Variants in SPTLC1 observed in about 807,000 individuals in gnomAD.
The protein encoded by SPTLC1 is serine palmitoyltransferase 1.
SPTLC1 carries 55 observed loss-of-function variants against 68.9 expected under a neutral mutation model. The observed-to-expected ratio is 0.80, with a 90% CI of 0.64 to 1.00. The LOEUF (loss-of-function observed/expected upper bound fraction) is 1.00, where lower values mean the gene tolerates loss of function less well. Ranked by LOEUF, SPTLC1 falls within the 50% of genes least tolerant of loss-of-function variation. The pLI, the probability that SPTLC1 is intolerant of heterozygous loss-of-function variation, is 0.00. For synonymous variants in SPTLC1, 197 were observed against 201.6 expected, an observed-to-expected ratio of 0.98 and a Z score of 0.19; for missense variants, 449 against 573.1, an observed-to-expected ratio of 0.78 and a Z score of 2.21.
intron 12 of SPTLC1, among the ~76,000 whole-genome samples, chr9:92,041,038 A>G (rs1012118421): frequency 2.0e-5 from 3 of 152,216 alleles, no homozygotes; most frequent in African/African-American, 7.2e-5. Context: ...CCAGTGGATA[A>G]ACGAGCACTG....
At chr9:92,060,838 G>A (rs1179926332) in intron 6 of SPTLC1, among the ~76,000 whole-genome samples, 1 of 150,882 alleles carries the variant, frequency 6.6e-6, no homozygotes, top group Non-Finnish European at 1.5e-5. Flanking sequence ...GTGTGAACCC[G>A]AGAGGCGGAG....
At chr9:92,052,415 G>A (rs1312568028) in intron 8 of SPTLC1, among the ~76,000 whole-genome samples, 5 of 152,084 alleles carry the variant, frequency 3.3e-5, no homozygotes, top group South Asian at 2.1e-4. Context: ...CAACGCATAC[G>A]CAAAAATGAA....
At chr9:92,099,576 C>G (rs1835669801) in intron 3 of SPTLC1, among the ~76,000 whole-genome samples, 1 of 151,730 alleles carries the variant, frequency 6.6e-6, no homozygotes, top group Admixed American at 6.6e-5. Context: ...ACCTCCCAGG[C>G]TCAAGCCATC....
In SPTLC1 at chr9:92,111,436, A is replaced by G. The variant is rs180870121; in HGVS notation, c.165+1019T>C. The G allele has an allele frequency of 2.0e-5, 3 of 152,328 alleles. No homozygotes were observed. In the East Asian group the frequency reaches 5.8e-4, roughly 29 times the overall value. 9.4% of individuals were successfully genotyped at this position (152,328 alleles called of 1,614,324 possible). A position where few individuals can be genotyped will look rare whatever the true frequency, so the allele number is the denominator to read the frequency against. On this transcript the variant is annotated intron_variant, in intron 2 of 14. Coordinates refer to ENST00000262554, the MANE Select transcript of SPTLC1 (RefSeq NM_006415.4). ...ATTAAACTTCTGATCTAACAACCTT[A>G]TATGACTAGCATGTATTATGGCTTT...
chr9:92,086,284 T>G (rs562485223), intron 3 of SPTLC1, among the ~76,000 whole-genome samples: 1 of 151,968 alleles, frequency 6.6e-6, no homozygotes, highest in East Asian at 1.9e-4. Flanking sequence ...ATCCTGTCAT[T>G]ATGATGTTAG....
intron 5 of SPTLC1, chr9:92,077,091 C>A (rs74981514): frequency 0.077 from 11,770 of 152,114 alleles, 806 homozygotes; most frequent in East Asian, 0.27. Flanking sequence ...CTAAACTTAC[C>A]CTCCAGCTTA....
chr9:92,104,570 T>A, intron 3 of SPTLC1: 2 of 1,482,960 alleles, frequency 1.3e-6, no homozygotes, highest in South Asian at 2.4e-5. Flanking sequence ...CGTGAGGATC[T>A]CTTGTCTCAG....
intron 5 of SPTLC1, among the ~76,000 whole-genome samples, chr9:92,069,839 T>C (rs1834419517): frequency 6.6e-6 from 1 of 152,214 alleles, no homozygotes; most frequent in South Asian, 2.1e-4. Flanking sequence ...GGTATCTCCA[T>C]TTCAAAAAGA....
At chr9:92,067,636 A>C (rs759277136) in intron 6 of SPTLC1, among the ~76,000 whole-genome samples, 57 of 152,312 alleles carry the variant, frequency 3.7e-4, no homozygotes, top group Middle Eastern at 6.8e-3. Context: ...ACATGGAGAG[A>C]CTTTGCCGGG....
chr9:92,032,574 G>C lies in SPTLC1; in HGVS notation c.1329-16C>G, dbSNP rs777996334. Reference sequence around the variant, plus strand: ...AACCCGAATGCTGAGAACAGTAAAGGACACAAAGAATTATCTTTGTGGGCC... The same window carrying C: ...AACCCGAATGCTGAGAACAGTAAAGCACACAAAGAATTATCTTTGTGGGCC... On this transcript the variant is annotated splice_polypyrimidine_tract_variant and intron_variant, in intron 14 of 14. Transcript: ENST00000262554. 2 of 1,613,240 alleles carry C rather than the reference G, an allele frequency of 1.2e-6. No individual in the cohort carries two copies. The highest frequency in any genetic ancestry group is 1.7e-6 in the Non-Finnish European group (2 of 1,180,000).
chr9:92,114,735 C>CAAA (rs200895703), intron 1 of SPTLC1, among the ~76,000 whole-genome samples: 2 of 110,430 alleles, frequency 1.8e-5, no homozygotes, highest in African/African-American at 6.8e-5. Context: ...AACACCGTCT[C>CAAA]AAAAAAAAAA....
At chr9:92,067,494 A>G (rs1050026037) in intron 6 of SPTLC1, among the ~76,000 whole-genome samples, 3 of 152,230 alleles carry the variant, frequency 2.0e-5, no homozygotes, top group African/African-American at 7.2e-5. Flanking sequence ...GCATGCATTC[A>G]GCACAGGCAC....
chr9:92,065,221 G>A (rs867636652), intron 6 of SPTLC1, among the ~76,000 whole-genome samples: 34 of 152,202 alleles, frequency 2.2e-4, no homozygotes, highest in Admixed American at 2.0e-3. Flanking sequence ...TGGAGTGATA[G>A]GACAGACTTA....
chr9:92,086,879 C>T (rs1244539739), intron 3 of SPTLC1, among the ~76,000 whole-genome samples: 1 of 152,190 alleles, frequency 6.6e-6, no homozygotes, highest in East Asian at 1.9e-4. Context: ...TTCAGGTGCA[C>T]CAATCAGACG....
At chr9:92,093,428 C>T (rs1326042550) in intron 3 of SPTLC1, among the ~76,000 whole-genome samples, 1 of 152,092 alleles carries the variant, frequency 6.6e-6, no homozygotes, top group Non-Finnish European at 1.5e-5. Flanking sequence ...AAAGGCCATA[C>T]CAGTAAAACT....
At chr9:92,086,112 C>T (rs201147244) in intron 3 of SPTLC1, among the ~76,000 whole-genome samples, 1 of 151,564 alleles carries the variant, frequency 6.6e-6, no homozygotes, top group African/African-American at 2.4e-5. Context: ...TTCCTCCATC[C>T]TTTTATTTTG....
intron 5 of SPTLC1, among the ~76,000 whole-genome samples, chr9:92,068,487 C>A (rs1834369511): frequency 6.6e-6 from 1 of 152,098 alleles, no homozygotes; most frequent in African/African-American, 2.4e-5. Flanking sequence ...TGCATTTTAG[C>A]AAAAAGAACC....
At chr9:92,067,729 G>A (rs1427540680) in intron 6 of SPTLC1, among the ~76,000 whole-genome samples, 1 of 152,156 alleles carries the variant, frequency 6.6e-6, no homozygotes, top group Non-Finnish European at 1.5e-5. Flanking sequence ...GCAGATAGCT[G>A]TCCTCATCTG....
In SPTLC1 at chr9:92,069,217, G is replaced by C. The variant is rs184240500; in HGVS notation, c.428-1119C>G. Among the ~76,000 whole-genome samples, 89 of 152,312 alleles carry C rather than the reference G, an allele frequency of 5.8e-4. No homozygotes were observed. The South Asian group carries it at 0.012, about 21-fold the overall frequency. On this transcript the variant is annotated intron_variant, in intron 5 of 14. Transcript: ENST00000262554. ...GGGCAGCAGAGAGGGCTGACGGCCT[G>C]GCAGGAGGCAGTATATTTACAGACT...
Sources: gnomAD v4.1 joint callset for allele counts (sites outside exome capture counted in the v4.1 genomes callset) on GRCh38, gnomAD v4.1.1 for gene constraint, MANE v1.5 for transcripts, NCBI Gene and HGNC (gene_info 2026-07-23, HGNC 2026-07-21) for gene names.